Variants in KDM5A observed in about 807,000 individuals in gnomAD.
KDM5A encodes lysine demethylase 5A, also known as lysine-specific demethylase 5A.
A neutral mutation model predicts 193.5 loss-of-function variants in KDM5A; 42 were observed. That is an observed-to-expected ratio of 0.22 (90% confidence interval 0.17 to 0.28). The LOEUF (loss-of-function observed/expected upper bound fraction) is 0.28, where lower values mean the gene tolerates loss of function less well. KDM5A is among the 10% of genes least tolerant of loss of function. KDM5A has a pLI of 1.00. For synonymous variants in KDM5A, 796 were observed against 718.1 expected (o/e 1.11, Z -1.73); for missense variants, 1,692 against 2,055.1 (o/e 0.82, Z 3.42).
At chr12:350,995 G>T (rs1182275805) in intron 9 of KDM5A, among the ~76,000 whole-genome samples, 1 of 152,140 alleles carries the variant, frequency 6.6e-6, no homozygotes, top group Admixed American at 6.6e-5. Flanking sequence ...GAACTGTGCT[G>T]CCCTTTTCCG....
At position 281,837 on chromosome 12, in the gene KDM5A, T is replaced by C. The variant is rs972909000; in HGVS notation, c.*3619A>G. 2 of 264,340 alleles carry C rather than the reference T, an allele frequency of 7.6e-6. No individual in the cohort carries two copies. Among genetic ancestry groups the C allele is most frequent in the African/African-American group, 4.4e-5 (2 of 45,792 alleles). 16.4% of individuals were successfully genotyped at this position (264,340 alleles called of 1,614,324 possible). ...CACATGTACTACAGAATTAAAATACTGACAAGCAAGTAGTTTCTTGGCGTG... is the reference window on the plus strand; with the variant it reads ...CACATGTACTACAGAATTAAAATACCGACAAGCAAGTAGTTTCTTGGCGTG... On this transcript the variant is annotated 3_prime_UTR_variant, in exon 28 of 28. Transcript: ENST00000399788.
chr12:307,794 T>G lies in KDM5A; in HGVS notation c.3590A>C (p.Gln1197Pro), dbSNP rs749506721. ...SCVPLPKSSS[Q>P]KKGSSWQAKE... ...AGCTTGCCAGCTGGATCCTTTTTTTTGGGAACTTGATTTAGGAAGAGGAAC... is the reference window on the plus strand; with the variant it reads ...AGCTTGCCAGCTGGATCCTTTTTTTGGGGAACTTGATTTAGGAAGAGGAAC... Residue 1197 changes from glutamine to proline, a missense_variant, in exon 23 of 28, where the codon CAA becomes CCA. This residue lies in a region of KDM5A where 965 missense variants were observed against 1,061.0 expected (regional missense o/e 0.91). Coordinates refer to ENST00000399788, the MANE Select transcript of KDM5A (RefSeq NM_001042603.3). The surrounding 1 kb of genome is among the most constrained non-coding windows in gnomAD (Gnocchi z 4.3). 3.7e-5 allele frequency: 60 copies of G among 1,614,076 alleles called. No homozygotes were observed. The highest frequency in any genetic ancestry group is 1.8e-4 in the South Asian group (16 of 91,092).
At chr12:380,458 G>A (rs1415758718) in intron 3 of KDM5A, among the ~76,000 whole-genome samples, 1 of 152,154 alleles carries the variant, frequency 6.6e-6, no homozygotes, top group Non-Finnish European at 1.5e-5. Context: ...GCTCACACCT[G>A]TAATCCCTAC....
At chr12:291,107 TA>T (rs2137362418) in intron 27 of KDM5A, among the ~76,000 whole-genome samples, 1 of 152,266 alleles carries the variant, frequency 6.6e-6, no homozygotes, top group South Asian at 2.1e-4. Flanking sequence ...ACATATATAT[TA>T]AAATGCTTTA....
rs1472226073 is a variant in KDM5A, at chr12:283,060, G to A, written c.*2396C>T. 1 of 231,284 alleles carries A rather than the reference G, an allele frequency of 4.3e-6. No homozygotes were observed. The highest frequency in any genetic ancestry group is 5.6e-5 in the Admixed American group (1 of 17,724). 14.3% of individuals were successfully genotyped at this position (231,284 alleles called of 1,614,324 possible). On this transcript the variant is annotated 3_prime_UTR_variant, in exon 28 of 28. Coordinates refer to ENST00000399788, the MANE Select transcript of KDM5A (RefSeq NM_001042603.3). ...TTTAAGTTTCAAAACGTCAGAAGGT[G>A]ACAGGAAGCTATTCATACTTTCTCA...
At chr12:359,610 T>C (rs1281142454) in intron 5 of KDM5A, among the ~76,000 whole-genome samples, 4 of 150,544 alleles carry the variant, frequency 2.7e-5, no homozygotes, top group African/African-American at 9.8e-5. Flanking sequence ...TGAGTGGTGG[T>C]ATGTACTTAT....
chr12:364,940 G>T (rs1370710871), intron 4 of KDM5A, among the ~76,000 whole-genome samples: 1 of 152,028 alleles, frequency 6.6e-6, no homozygotes, highest in Non-Finnish European at 1.5e-5. Flanking sequence ...GCCATAAACT[G>T]GAAACAATCT....
chr12:285,510 A>C lies in KDM5A; in HGVS notation c.5019T>G (p.Pro1673=). 6.2e-7 allele frequency: 1 copy of C among 1,614,030 alleles called. No individual in the cohort carries two copies. The highest frequency in any genetic ancestry group is 1.1e-5 in the South Asian group (1 of 91,072). The stretch of plus-strand genomic sequence containing the variant: ...GTAGTTTGTAGCTCATTATGAAGGA[A>C]GGAGGTGGTGCTGGACCTGGGCTAA... ...GPVSPGPAPP[P]SFIMSYKLPM... Residue 1673 remains proline, a synonymous_variant, in exon 28 of 28, where the codon CCT becomes CCG. Transcript: ENST00000399788.
At position 389,011 on chromosome 12, in the gene KDM5A, C is replaced by G; in HGVS notation, c.81G>C (p.Glu27Asp). ...PECPVFEPSW[E>D]EFTDPLSFIG... is the part of the protein sequence containing the mutation. ...TAAAGCTGAGCGGATCTGTGAACTCCTCCCAACTCGGCTCAAAGACGGGGC... is the reference window on the plus strand; with the variant it reads ...TAAAGCTGAGCGGATCTGTGAACTCGTCCCAACTCGGCTCAAAGACGGGGC... The change falls in exon 1 of 28, where the codon GAG becomes GAC. Residue 27 changes from glutamate to aspartate, a missense_variant. Glu to Asp is a conservative substitution (Grantham distance 45, BLOSUM62 2). This residue lies in a region of KDM5A where 84 missense variants were observed against 68.2 expected (regional missense o/e 1.23). Transcript: ENST00000399788. The G allele has an allele frequency of 6.2e-7, 1 of 1,614,132 alleles. No individual in the cohort carries two copies. The highest frequency in any genetic ancestry group is 1.3e-5 in the African/African-American group (1 of 75,032).
At chr12:294,239 A>G (rs977634303) in intron 26 of KDM5A, among the ~76,000 whole-genome samples, 10 of 152,210 alleles carry the variant, frequency 6.6e-5, no homozygotes, top group African/African-American at 2.4e-4. Context: ...AGTATGTGCC[A>G]ATGTAATAAA....
intron 14 of KDM5A, among the ~76,000 whole-genome samples, chr12:326,543 T>C (rs1943786849): frequency 6.6e-6 from 1 of 152,032 alleles, no homozygotes; most frequent in Non-Finnish European, 1.5e-5. Context: ...AAAGAGGTCA[T>C]GGGGATAGAA....
At chr12:377,622 TAATA>T (rs1181551627) in intron 3 of KDM5A, among the ~76,000 whole-genome samples, 1 of 152,192 alleles carries the variant, frequency 6.6e-6, no homozygotes. Context: ...ACCAAACTAC[TAATA>T]AAGTTTAAGA....
intron 26 of KDM5A, 139 bp from the exon 27 acceptor site, chr12:293,308 G>A: frequency 1.4e-6 from 1 of 696,686 alleles, no homozygotes; most frequent in Non-Finnish European, 2.3e-6. Flanking sequence ...CTGAAGGGAA[G>A]AAGAAATGGA....
intron 5 of KDM5A, 69 bp from the exon 6 acceptor site, chr12:356,606 A>T (rs1234725267): frequency 3.1e-6 from 3 of 969,294 alleles, no homozygotes; most frequent in African/African-American, 1.6e-5. Context: ...TTACCCAAGG[A>T]AAGTTTCAGA....
At chr12:291,521 T>C (rs983488372) in intron 27 of KDM5A, among the ~76,000 whole-genome samples, 1 of 152,196 alleles carries the variant, frequency 6.6e-6, no homozygotes, top group Non-Finnish European at 1.5e-5. Context: ...GCATCATCTG[T>C]AAAATGAGCA....
intron 4 of KDM5A, among the ~76,000 whole-genome samples, chr12:364,437 AC>A (rs1944327945): frequency 6.6e-6 from 1 of 151,116 alleles, no homozygotes; most frequent in South Asian, 2.1e-4. Context: ...AGTTCACGCC[AC>A]TGCACTCCAG....
intron 24 of KDM5A, among the ~76,000 whole-genome samples, chr12:298,106 C>T (rs980919157): frequency 6.6e-6 from 1 of 152,202 alleles, no homozygotes; most frequent in African/African-American, 2.4e-5. Flanking sequence ...GAAGGGGCGG[C>T]TGTGGGCGCA....
chr12:314,779 A>G (rs55784714), intron 19 of KDM5A, among the ~76,000 whole-genome samples: 3,163 of 152,304 alleles, frequency 0.021, 94 homozygotes, highest in African/African-American at 0.072. Flanking sequence ...AGAATAAAAT[A>G]AACATGCACA....
At chr12:388,649 AT>A in intron 1 of KDM5A, 1 of 532,348 alleles carries the variant, frequency 1.9e-6, no homozygotes, top group South Asian at 2.1e-5. Flanking sequence ...TAAACACCAT[AT>A]CGGCTAACGA....
Sources: gnomAD v4.1 joint callset for allele counts (sites outside exome capture counted in the v4.1 genomes callset) on GRCh38, gnomAD v4.1.1 for gene constraint, gnomAD v4.1.1 regional missense constraint, Gnocchi (gnomAD v3.1) non-coding constraint, MANE v1.5 for transcripts, NCBI Gene and HGNC (gene_info 2026-07-23, HGNC 2026-07-21) for gene names.